KCNIP4: variants seen among roughly 807,000 people sequenced by gnomAD.
The protein encoded by KCNIP4 is potassium voltage-gated channel interacting protein 4, also known as Kv channel-interacting protein 4.
KCNIP4 carries 12 observed loss-of-function variants against 34.0 expected under a neutral mutation model. The ratio of observed to expected loss-of-function variants is 0.35; its 90% CI spans 0.23 to 0.57. The LOEUF (loss-of-function observed/expected upper bound fraction) is 0.57. Ranked by LOEUF, KCNIP4 falls within the 20% of genes least tolerant of loss-of-function variation. The pLI, the probability that KCNIP4 is intolerant of heterozygous loss-of-function variation, is 0.83. For synonymous variants in KCNIP4, 124 were observed against 102.2 expected, an observed-to-expected ratio of 1.21 and a Z score of -1.29; for missense variants, 238 against 311.7, an observed-to-expected ratio of 0.76 and a Z score of 1.78.
intron 1 of KCNIP4, among the ~76,000 whole-genome samples, chr4:21,458,824 G>A (rs111671808): frequency 6.6e-6 from 1 of 151,974 alleles, no homozygotes; most frequent in African/African-American, 2.4e-5. Flanking sequence ...AATCAGAAGA[G>A]AACTTCCTCT....
At chr4:21,102,837 CAG>C (rs1416351493) in intron 1 of KCNIP4, among the ~76,000 whole-genome samples, 1 of 152,140 alleles carries the variant, frequency 6.6e-6, no homozygotes, top group Non-Finnish European at 1.5e-5. Context: ...CCCTCTGTGA[CAG>C]AGACTTGTTC....
At chr4:21,469,935 T>G (rs1282129199) in intron 1 of KCNIP4, among the ~76,000 whole-genome samples, 1 of 152,186 alleles carries the variant, frequency 6.6e-6, no homozygotes, top group Non-Finnish European at 1.5e-5. Context: ...GTTTGGAAAA[T>G]AATCCATAAC....
chr4:20,843,896 A>G (rs1578755651), intron 3 of KCNIP4, among the ~76,000 whole-genome samples: 1 of 152,216 alleles, frequency 6.6e-6, no homozygotes, highest in South Asian at 2.1e-4. Context: ...AATGCATAAC[A>G]TAAACTAATG....
At chr4:21,168,207 C>T (rs551126049) in intron 1 of KCNIP4, among the ~76,000 whole-genome samples, 1 of 152,252 alleles carries the variant, frequency 6.6e-6, no homozygotes, top group South Asian at 2.1e-4. Flanking sequence ...TGCTTTTAAT[C>T]GTTGCCTTTA....
intron 1 of KCNIP4, among the ~76,000 whole-genome samples, chr4:21,254,416 T>G (rs1392619221): frequency 2.6e-5 from 4 of 152,214 alleles, no homozygotes; most frequent in African/African-American, 9.6e-5. Flanking sequence ...TTGTGATGAA[T>G]GCATATTCCC....
At chr4:21,267,560 C>G (rs61420026) in intron 1 of KCNIP4, among the ~76,000 whole-genome samples, 19,371 of 148,578 alleles carry the variant, frequency 0.13, 1,416 homozygotes, top group African/African-American at 0.18. Context: ...TAGCATGAAG[C>G]GTTGTTGAAT....
intron 1 of KCNIP4, among the ~76,000 whole-genome samples, chr4:20,949,889 G>T (rs1577418644): frequency 6.8e-6 from 1 of 147,884 alleles, no homozygotes; most frequent in South Asian, 2.2e-4. Flanking sequence ...GGATAGCATT[G>T]GGAGATATAC....
chr4:21,001,849 C>T (rs1400955481), intron 1 of KCNIP4, among the ~76,000 whole-genome samples: 1 of 152,188 alleles, frequency 6.6e-6, no homozygotes, highest in Admixed American at 6.5e-5. Context: ...CCCTCTTTCT[C>T]CACCAAATGA....
At chr4:21,610,467 C>T in intron 1 of KCNIP4, among the ~76,000 whole-genome samples, 1 of 152,142 alleles carries the variant, frequency 6.6e-6, no homozygotes, top group East Asian at 1.9e-4. Flanking sequence ...CTGTAAGTCC[C>T]ATTAAACAAA....
chr4:21,385,846 G>A (rs1157512257), intron 1 of KCNIP4, among the ~76,000 whole-genome samples: 1 of 152,096 alleles, frequency 6.6e-6, no homozygotes, highest in Non-Finnish European at 1.5e-5. Context: ...TTGGACAAAT[G>A]AGTGTGTCCC....
intron 1 of KCNIP4, among the ~76,000 whole-genome samples, chr4:21,753,232 G>T (rs965590398): frequency 2.6e-5 from 4 of 152,018 alleles, no homozygotes; most frequent in Admixed American, 2.0e-4. Context: ...TGAGGTCTTA[G>T]AGAAAAAAAA....
At chr4:21,035,771 C>G (rs1299876385) in intron 1 of KCNIP4, among the ~76,000 whole-genome samples, 1 of 152,156 alleles carries the variant, frequency 6.6e-6, no homozygotes, top group East Asian at 1.9e-4. Context: ...CCTTTTGCTG[C>G]CTTGCTAAGC....
At chr4:21,520,771 AT>A (rs1369712090) in intron 1 of KCNIP4, among the ~76,000 whole-genome samples, 1 of 152,142 alleles carries the variant, frequency 6.6e-6, no homozygotes, top group Non-Finnish European at 1.5e-5. Context: ...TTAGGAAAAC[AT>A]TTCTACCATT....
At chr4:21,308,582 C>T (rs1421870420) in intron 1 of KCNIP4, among the ~76,000 whole-genome samples, 1 of 152,088 alleles carries the variant, frequency 6.6e-6, no homozygotes, top group Non-Finnish European at 1.5e-5. Context: ...CCAGGAATAC[C>T]CAAAGCATTC....
intron 1 of KCNIP4, among the ~76,000 whole-genome samples, chr4:21,665,418 C>T (rs1244289539): frequency 6.6e-6 from 1 of 151,790 alleles, no homozygotes; most frequent in Non-Finnish European, 1.5e-5. Flanking sequence ...TGATATATTG[C>T]TAAAAAACCT....
At chr4:21,305,195 A>T (rs887721845) in intron 1 of KCNIP4, among the ~76,000 whole-genome samples, 1 of 152,194 alleles carries the variant, frequency 6.6e-6, no homozygotes, top group Admixed American at 6.5e-5. Flanking sequence ...GAAATGAGGC[A>T]AAAAGGCAGA....
At chr4:20,989,466 A>C (rs188862207) in intron 1 of KCNIP4, among the ~76,000 whole-genome samples, 95 of 152,280 alleles carry the variant, frequency 6.2e-4, no homozygotes, top group Non-Finnish European at 1.1e-3. Flanking sequence ...TATAGGAAAA[A>C]TCAGGATGAT....
chr4:20,919,245 C>T (rs1729142095), intron 1 of KCNIP4, among the ~76,000 whole-genome samples: 1 of 152,070 alleles, frequency 6.6e-6, no homozygotes, highest in Non-Finnish European at 1.5e-5. Context: ...CAGAGGCTCT[C>T]ATGTTCTCAT....
At chr4:21,224,393 A>T (rs1041555909) in intron 1 of KCNIP4, among the ~76,000 whole-genome samples, 2 of 151,274 alleles carry the variant, frequency 1.3e-5, no homozygotes, top group African/African-American at 4.9e-5. Flanking sequence ...TGAGGGCCCC[A>T]CCCTCATGAC....
Sources: gnomAD v4.1 joint callset for allele counts (sites outside exome capture counted in the v4.1 genomes callset) on GRCh38, gnomAD v4.1.1 for gene constraint, MANE v1.5 for transcripts, NCBI Gene and HGNC (gene_info 2026-07-23, HGNC 2026-07-21) for gene names.